The following CNTNAP2 variants were observed in gnomAD, a reference collection of about 807,000 sequenced individuals.
CNTNAP2 encodes the protein contactin associated protein 2, also known as contactin-associated protein-like 2.
Under a neutral mutation model 155.2 loss-of-function variants are expected in CNTNAP2, and 98 were observed. That is an observed-to-expected ratio of 0.63 (90% CI 0.54 to 0.75). CNTNAP2 has a LOEUF of 0.75. Ranked by LOEUF, CNTNAP2 falls within the 30% of genes least tolerant of loss-of-function variation. CNTNAP2 has a pLI of 0.00. For missense variants in CNTNAP2, 1,727 were observed against 1,688.1 expected (o/e 1.02, Z -0.40); for synonymous variants, 651 against 631.2 (o/e 1.03, Z -0.47).
At chr7:147,378,701 G>A (rs1039465425) in intron 9 of CNTNAP2, among the ~76,000 whole-genome samples, 4 of 151,900 alleles carry the variant, frequency 2.6e-5, no homozygotes, top group Non-Finnish European at 4.4e-5. Flanking sequence ...AGTACAACAA[G>A]GTAACTAAAG....
At chr7:146,184,190 G>A (rs189961256) in intron 1 of CNTNAP2, among the ~76,000 whole-genome samples, 1 of 152,258 alleles carries the variant, frequency 6.6e-6, no homozygotes, top group Admixed American at 6.5e-5. Flanking sequence ...GTGCTGTACT[G>A]AACTTTGCAA....
intron 3 of CNTNAP2, among the ~76,000 whole-genome samples, chr7:146,971,385 G>A (rs1396481605): frequency 6.6e-6 from 1 of 151,968 alleles, no homozygotes; most frequent in Admixed American, 6.6e-5. Flanking sequence ...AAATAAAAAG[G>A]CACTATATTT....
intron 14 of CNTNAP2, among the ~76,000 whole-genome samples, chr7:147,939,509 A>C (rs993346437): frequency 2.6e-5 from 4 of 151,956 alleles, no homozygotes; most frequent in East Asian, 1.9e-4. Flanking sequence ...TTGTATTTTT[A>C]GTAGAGATGG....
In CNTNAP2 at chr7:147,952,163, C is replaced by T. The variant is rs186164735; in HGVS notation, c.2256-25699C>T. On this transcript the variant is annotated intron_variant, in intron 14 of 23. Transcript: ENST00000361727. Reference sequence around the variant, plus strand: ...TCATACTTAAATCTCTCCTTTTCGGCCAGGCACGGTGGCCCACACCTGTAA... The same window carrying T: ...TCATACTTAAATCTCTCCTTTTCGGTCAGGCACGGTGGCCCACACCTGTAA... Among the ~76,000 whole-genome samples, 10 of 148,932 alleles carry T rather than the reference C, an allele frequency of 6.7e-5. No homozygotes were observed. The East Asian group carries it at 2.0e-3, about 30-fold the overall frequency.
intron 20 of CNTNAP2, among the ~76,000 whole-genome samples, chr7:148,261,152 G>A (rs1157946100): frequency 6.9e-6 from 1 of 143,962 alleles, no homozygotes; most frequent in East Asian, 2.2e-4. Flanking sequence ...AGTGTCCTTT[G>A]TGCATCTGTT....
chr7:146,501,284 G>T (rs1313568338), intron 1 of CNTNAP2, among the ~76,000 whole-genome samples: 1 of 152,016 alleles, frequency 6.6e-6, no homozygotes, highest in Non-Finnish European at 1.5e-5. Context: ...TGTTTGCGAA[G>T]GATTACTGTT....
intron 4 of CNTNAP2, among the ~76,000 whole-genome samples, chr7:147,071,650 C>T (rs748477593): frequency 1.3e-5 from 2 of 152,126 alleles, no homozygotes; most frequent in Non-Finnish European, 2.9e-5. Flanking sequence ...GACATTTAAG[C>T]TGAGATCTGT....
chr7:146,881,017 T>C (rs1056817650), intron 3 of CNTNAP2, among the ~76,000 whole-genome samples: 1 of 152,160 alleles, frequency 6.6e-6, no homozygotes, highest in South Asian at 2.1e-4. Context: ...GAGAGATGTT[T>C]ATAAGGAATT....
intron 1 of CNTNAP2, among the ~76,000 whole-genome samples, chr7:146,173,916 C>T (rs116142240): frequency 1.8e-3 from 275 of 152,176 alleles, no homozygotes; most frequent in African/African-American, 6.4e-3. Context: ...TCAAGAATAT[C>T]GACAATAAAT....
intron 13 of CNTNAP2, among the ~76,000 whole-genome samples, chr7:147,831,160 C>T (rs1256985709): frequency 6.6e-6 from 1 of 151,948 alleles, no homozygotes; most frequent in African/African-American, 2.4e-5. Flanking sequence ...ATATGTTATG[C>T]CTTAAAGACA....
chr7:147,030,444 AT>A (rs1799007811), intron 3 of CNTNAP2, among the ~76,000 whole-genome samples: 1 of 152,134 alleles, frequency 6.6e-6, no homozygotes, highest in African/African-American at 2.4e-5. Context: ...TTAAAGCCAA[AT>A]TTTTAGACAC....
chr7:147,025,054 C>A (rs1024476490), intron 3 of CNTNAP2, among the ~76,000 whole-genome samples: 1 of 151,336 alleles, frequency 6.6e-6, no homozygotes, highest in Non-Finnish European at 1.5e-5. Context: ...GAGGCTGAGG[C>A]AAGTGGATCA....
intron 1 of CNTNAP2, among the ~76,000 whole-genome samples, chr7:146,134,963 T>C (rs1797775197): frequency 6.6e-6 from 1 of 151,750 alleles, no homozygotes; most frequent in Non-Finnish European, 1.5e-5. Flanking sequence ...TTTCTATTGA[T>C]TGGAATAGTT....
chr7:147,273,368 T>G (rs1016705877), intron 8 of CNTNAP2, among the ~76,000 whole-genome samples: 1 of 152,120 alleles, frequency 6.6e-6, no homozygotes, highest in African/African-American at 2.4e-5. Flanking sequence ...TTTTATTATT[T>G]TTATTTTAGA....
At chr7:146,279,102 C>T (rs1800209335) in intron 1 of CNTNAP2, among the ~76,000 whole-genome samples, 1 of 152,092 alleles carries the variant, frequency 6.6e-6, no homozygotes, top group Admixed American at 6.5e-5. Context: ...GAAACCTTCT[C>T]AAGAATATAG....
chr7:147,129,825 A>G (rs1801316773), intron 7 of CNTNAP2, among the ~76,000 whole-genome samples: 1 of 152,188 alleles, frequency 6.6e-6, no homozygotes, highest in Admixed American at 6.5e-5. Flanking sequence ...CATGCAAATG[A>G]TTATTTAATA....
chr7:147,587,881 T>G (rs1800661127), intron 12 of CNTNAP2, among the ~76,000 whole-genome samples: 1 of 152,158 alleles, frequency 6.6e-6, no homozygotes, highest in Admixed American at 6.6e-5. Context: ...TATTTAAAAG[T>G]ATATTATGTT....
chr7:148,361,785 C>T (rs1237789003), intron 21 of CNTNAP2, among the ~76,000 whole-genome samples: 2 of 152,232 alleles, frequency 1.3e-5, no homozygotes, highest in African/African-American at 4.8e-5. Context: ...ACTCACAGTT[C>T]TGCATGGCTG....
At chr7:147,425,229 G>T (rs1797359586) in intron 10 of CNTNAP2, among the ~76,000 whole-genome samples, 2 of 144,466 alleles carry the variant, frequency 1.4e-5, no homozygotes, top group South Asian at 2.2e-4. Context: ...AAAAAAAATT[G>T]TTATTCTCCT....
Sources: allele counts gnomAD v4.1 joint callset (sites outside exome capture counted in the v4.1 genomes callset), GRCh38; gene constraint gnomAD v4.1.1; transcripts MANE v1.5; gene names NCBI Gene and HGNC (gene_info 2026-07-23, HGNC 2026-07-21).